Variants in AFTPH observed in about 807,000 individuals in gnomAD.
AFTPH encodes the protein aftiphilin.
Under a neutral mutation model 72.5 loss-of-function variants are expected in AFTPH, and 7 were observed. The observed-to-expected ratio is 0.10, with a 90% CI of 0.05 to 0.18. AFTPH has a LOEUF of 0.18. Among genes scored for constraint, AFTPH ranks in the 10% least tolerant of loss-of-function variants. The pLI, the probability that AFTPH is intolerant of heterozygous loss-of-function variation, is 1.00. For missense variants in AFTPH, 979 were observed against 1,060.5 expected (o/e 0.92, Z 1.07); for synonymous variants, 337 against 370.1 (o/e 0.91, Z 1.03).
chr2:64,569,591 A>G (rs1156858629), intron 4 of AFTPH, 32 bp from the exon 5 acceptor site: 1 of 1,605,360 alleles, frequency 6.2e-7, no homozygotes. Flanking sequence ...TATTCTCTAA[A>G]TATATGTTCT....
chr2:64,546,367 G>C (rs553040396), intron 1 of AFTPH, among the ~76,000 whole-genome samples: 1 of 152,136 alleles, frequency 6.6e-6, no homozygotes, highest in Non-Finnish European at 1.5e-5. Context: ...GCATAAAGCA[G>C]TTTAATACTG....
At chr2:64,532,067 T>C (rs1485075037) in intron 1 of AFTPH, among the ~76,000 whole-genome samples, 2 of 152,208 alleles carry the variant, frequency 1.3e-5, no homozygotes, top group Non-Finnish European at 2.9e-5. Context: ...CTATGGTTCT[T>C]ATGCTCTGAA....
In AFTPH at chr2:64,583,997, A is replaced by T. The variant is rs554349950; in HGVS notation, c.2456-1425A>T. 1.5e-4 allele frequency among the ~76,000 whole-genome samples: 23 copies of T among 152,224 alleles called. No individual in the cohort carries two copies. In the South Asian group the frequency reaches 4.8e-3, roughly 32 times the overall value. On this transcript the variant is annotated intron_variant, in intron 7 of 8. Coordinates refer to ENST00000238856, the Ensembl canonical transcript of AFTPH. Reference sequence around the variant, plus strand: ...TGTTAATCTAAATATATGCATTTATATATGTTATTTATATATAACTTGATC... The same window carrying T: ...TGTTAATCTAAATATATGCATTTATTTATGTTATTTATATATAACTTGATC...
chr2:64,531,112 A>G (rs1004136156), intron 1 of AFTPH, among the ~76,000 whole-genome samples: 5 of 150,838 alleles, frequency 3.3e-5, no homozygotes, highest in African/African-American at 1.2e-4. Context: ...CATGCTTTTT[A>G]ATGACTGTGT....
chr2:64,524,518 C>G (rs1009677942), exon 1 of AFTPH: 1 of 399,318 alleles, frequency 2.5e-6, no homozygotes, highest in Non-Finnish European at 4.4e-6. Flanking sequence ...CCGCTCTCAC[C>G]AGTTCCGCGT....
In AFTPH at chr2:64,551,424, C is replaced by A; in HGVS notation, c.-32-19C>A. On this transcript the variant is annotated intron_variant, in intron 1 of 8. Coordinates refer to ENST00000238856, the Ensembl canonical transcript of AFTPH. ...ATGTAATCTGTCCCCTCCAAAAATT[C>A]TTTTTTTCTTTTTTACAGGTGTAAA... 1 of 1,545,744 alleles carries A rather than the reference C, an allele frequency of 6.5e-7. No individual in the cohort carries two copies. The highest frequency in any genetic ancestry group is 8.7e-7 in the Non-Finnish European group (1 of 1,149,822).
At chr2:64,578,374 A>ATT (rs1273372568) in intron 6 of AFTPH, among the ~76,000 whole-genome samples, 1 of 152,212 alleles carries the variant, frequency 6.6e-6, no homozygotes, top group African/African-American at 2.4e-5. Context: ...AATACAGGTT[A>ATT]TTTTAACACC....
At chr2:64,551,893 A>C in exon 2 of AFTPH, 1 of 1,613,792 alleles carries the variant, frequency 6.2e-7, no homozygotes, top group African/African-American at 1.3e-5. Context: ...GTAGTGGAGC[A>C]GAGACAGAAT....
Position 64,569,686 on chromosome 2 carries a change from A to T in AFTPH, c.2271+7A>T. 6.2e-7 allele frequency: 1 copy of T among 1,613,082 alleles called. No individual in the cohort carries two copies. The highest frequency in any genetic ancestry group is 8.5e-7 in the Non-Finnish European group (1 of 1,179,230). On this transcript the variant is annotated splice_region_variant and intron_variant, in intron 5 of 8. Transcript: ENST00000238856. ...CATGTATGCAGCAGGATTGGTAAGT[A>T]CAAAAATCTCTCTGCATGTATTTAT...
At position 64,576,163 on chromosome 2, in the gene AFTPH, A is replaced by G. The variant is rs954198430; in HGVS notation, c.2394+3095A>G. ...TACGTGTGTGTGTGTGTGTATGTATATATATATGGATTTACATATACATAT... is the reference window on the plus strand; with the variant it reads ...TACGTGTGTGTGTGTGTGTATGTATGTATATATGGATTTACATATACATAT... On this transcript the variant is annotated intron_variant, in intron 6 of 8. Coordinates refer to ENST00000238856, the Ensembl canonical transcript of AFTPH. 4.6e-4 allele frequency among the ~76,000 whole-genome samples: 68 copies of G among 148,400 alleles called. 1 individual carries two copies. Among genetic ancestry groups the G allele is most frequent in the Middle Eastern group, 3.6e-3 (1 of 280 alleles).
At chr2:64,555,816 C>A (rs1032280305) in intron 2 of AFTPH, among the ~76,000 whole-genome samples, 2 of 152,146 alleles carry the variant, frequency 1.3e-5, no homozygotes, top group Non-Finnish European at 2.9e-5. Flanking sequence ...CTCGTTCTTA[C>A]CCTGCTGTTG....
At chr2:64,582,330 G>A (rs1015645800) in intron 7 of AFTPH, among the ~76,000 whole-genome samples, 1 of 152,200 alleles carries the variant, frequency 6.6e-6, no homozygotes, top group African/African-American at 2.4e-5. Flanking sequence ...CTAACAGTCA[G>A]CTCAGAGTGA....
At chr2:64,569,721 A>G (rs1672306217) in intron 5 of AFTPH, 42 bp downstream of exon 5, 5 of 1,545,092 alleles carry the variant, frequency 3.2e-6, no homozygotes, top group Non-Finnish European at 3.6e-6. Flanking sequence ...TCATTACTGC[A>G]TCTATTCTGT....
chr2:64,527,772 C>T (rs537442787), intron 1 of AFTPH, among the ~76,000 whole-genome samples: 44 of 152,198 alleles, frequency 2.9e-4, no homozygotes, highest in Non-Finnish European at 5.1e-4. Context: ...TTGTTTGCCT[C>T]TCCAGATTCC....
intron 1 of AFTPH, among the ~76,000 whole-genome samples, chr2:64,525,887 TAAA>T (rs1669231579): frequency 6.6e-6 from 1 of 152,222 alleles, no homozygotes; most frequent in Non-Finnish European, 1.5e-5. Flanking sequence ...TCACATGGAT[TAAA>T]AGACAGATCT....
chr2:64,584,348 T>A (rs1291723567), intron 7 of AFTPH, among the ~76,000 whole-genome samples: 2 of 152,150 alleles, frequency 1.3e-5, no homozygotes, highest in African/African-American at 4.8e-5. Flanking sequence ...GGAGATTTTT[T>A]AAATCAATTT....
intron 1 of AFTPH, among the ~76,000 whole-genome samples, chr2:64,549,823 C>A (rs1202493885): frequency 1.3e-5 from 2 of 151,816 alleles, no homozygotes; most frequent in Non-Finnish European, 2.9e-5. Flanking sequence ...ACATCATACA[C>A]CAAAATAAGT....
At chr2:64,536,971 AAAAAG>A (rs1313537644) in intron 1 of AFTPH, among the ~76,000 whole-genome samples, 58 of 149,324 alleles carry the variant, frequency 3.9e-4, no homozygotes, top group African/African-American at 1.4e-3. Flanking sequence ...AAAAAAAAAA[AAAAAG>A]AAGAAGAAGA....
intron 2 of AFTPH, among the ~76,000 whole-genome samples, chr2:64,555,773 G>A (rs1671321496): frequency 6.6e-6 from 1 of 152,174 alleles, no homozygotes; most frequent in African/African-American, 2.4e-5. Context: ...GTAAGTGACT[G>A]AGTCAGAAGT....
Sources: gnomAD v4.1 joint callset for allele counts (sites outside exome capture counted in the v4.1 genomes callset) on GRCh38, gnomAD v4.1.1 for gene constraint, MANE v1.5 for transcripts, NCBI Gene and HGNC (gene_info 2026-07-23, HGNC 2026-07-21) for gene names.